ATAD2B: variants seen among roughly 807,000 people sequenced by gnomAD.
ATAD2B encodes ATPase family AAA domain containing 2B, also known as ATPase family AAA domain-containing protein 2B.
In ATAD2B, 40 loss-of-function variants were observed where a neutral mutation model predicts 167.6. The ratio of observed to expected loss-of-function variants is 0.24; its 90% CI spans 0.19 to 0.31. The LOEUF (loss-of-function observed/expected upper bound fraction) is 0.31. ATAD2B is among the 10% of genes least tolerant of loss of function. The pLI, the probability that ATAD2B is intolerant of heterozygous loss-of-function variation, is 1.00. For synonymous variants in ATAD2B, 579 were observed against 596.5 expected (o/e 0.97, Z 0.43); for missense variants, 1,242 against 1,757.2 (o/e 0.71, Z 5.24).
At chr2:23,894,452 G>C (rs1699933323) in intron 2 of ATAD2B, among the ~76,000 whole-genome samples, 1 of 149,676 alleles carries the variant, frequency 6.7e-6, no homozygotes, top group African/African-American at 2.5e-5. Flanking sequence ...TTGCACTCCA[G>C]CAAAACTCCA....
intron 21 of ATAD2B, among the ~76,000 whole-genome samples, chr2:23,783,253 T>C (rs1680320779): frequency 6.6e-6 from 1 of 151,844 alleles, no homozygotes. Context: ...CTCTGAAATG[T>C]TTCTGTTCTT....
intron 7 of ATAD2B, among the ~76,000 whole-genome samples, chr2:23,876,596 G>A (rs1241831341): frequency 1.4e-4 from 22 of 152,196 alleles, no homozygotes; most frequent in African/African-American, 5.1e-4. Flanking sequence ...CACTGTGCCC[G>A]GCCCCTGTTA....
chr2:23,925,159 C>A (rs2150737066), intron 1 of ATAD2B, among the ~76,000 whole-genome samples: 1 of 152,318 alleles, frequency 6.6e-6, no homozygotes. Context: ...ATAGTTTCCA[C>A]CGAAAGCCTC....
intron 13 of ATAD2B, among the ~76,000 whole-genome samples, chr2:23,847,992 CA>C (rs529339468): frequency 0.094 from 8,526 of 90,738 alleles, 252 homozygotes; most frequent in African/African-American, 0.18. Context: ...GACTTCATCC[CA>C]AAAAAAAAAA....
chr2:23,757,427 C>G lies in ATAD2B; in HGVS notation c.4069G>C (p.Asp1357His), dbSNP rs1314754190. Residue 1357 changes from aspartate to histidine, a missense_variant, in exon 25 of 28, where the codon GAT (aspartate) becomes CAT (histidine). Physicochemically the swap from Asp to His is moderately conservative, Grantham distance 81. Coordinates refer to ENST00000238789, the MANE Select transcript of ATAD2B (RefSeq NM_017552.4). ...CAAATATTAGCTCTACCTTCTTTAT[C>G]CAGTTCTGCATCTTTAACCTCCACA... The part of the protein sequence containing the change: ...SDVEVKDAEL[D>H]KEGASKVKKY... The G allele has an allele frequency of 4.0e-6, 6 of 1,489,840 alleles. No homozygotes were observed. Among genetic ancestry groups the G allele is most frequent in the African/African-American group, 1.4e-5 (1 of 70,010 alleles). 92.3% of individuals were successfully genotyped at this position (1,489,840 alleles called of 1,614,324 possible).
rs936333034 is a variant in ATAD2B, at chr2:23,926,643, G to T, written c.128C>A (p.Thr43Asn). 10 of 1,563,682 alleles carry T rather than the reference G, an allele frequency of 6.4e-6. No homozygotes were observed. The highest frequency in any genetic ancestry group is 1.7e-4 in the Middle Eastern group (1 of 5,936). Reference protein sequence around the residue: ...GGSSHFISSRTRSSKTRAASC... With the variant: ...GGSSHFISSRNRSSKTRAASC... ...GGCGGCGCGGGTCTTGGAGGAGCGG[G>T]TCCGAGAGGAGATGAAATGGCTGCT... The change falls in exon 1 of 28, where the codon ACC becomes AAC. Residue 43 changes from threonine (T) to asparagine (N), a missense_variant. Coordinates refer to ENST00000238789, the MANE Select transcript of ATAD2B (RefSeq NM_017552.4).
chr2:23,912,478 G>C (rs1702451222), intron 1 of ATAD2B, among the ~76,000 whole-genome samples: 1 of 151,796 alleles, frequency 6.6e-6, no homozygotes, highest in African/African-American at 2.4e-5. Flanking sequence ...CTGTACTCCA[G>C]CTTGAGTGAG....
chr2:23,819,699 T>G lies in ATAD2B; in HGVS notation c.2267+48A>C, dbSNP rs780478358. ...ATATACCATAATTCTAATCATAAAGTATCAAAAATCACTCTAAATACAAAG... is the reference window on the plus strand; with the variant it reads ...ATATACCATAATTCTAATCATAAAGGATCAAAAATCACTCTAAATACAAAG... On this transcript the variant is annotated intron_variant, in intron 17 of 27. Transcript: ENST00000238789. 1.0e-5 allele frequency: 14 copies of G among 1,395,486 alleles called. No individual in the cohort carries two copies. The South Asian group carries it at 1.8e-4, about 18-fold the overall frequency. The allele number at this position is 1,395,486 out of a possible 1,614,324, so 86.4% of individuals were successfully genotyped here.
intron 3 of ATAD2B, 25 bp from the exon 4 acceptor site, chr2:23,888,010 T>G: frequency 6.6e-7 from 1 of 1,509,242 alleles, no homozygotes; most frequent in Non-Finnish European, 8.8e-7. Flanking sequence ...ATATTTACAT[T>G]TCAAAGTACA....
chr2:23,892,054 C>T (rs1017134019), intron 2 of ATAD2B, among the ~76,000 whole-genome samples: 2 of 152,240 alleles, frequency 1.3e-5, no homozygotes, highest in African/African-American at 2.4e-5. Context: ...TTCTAATATG[C>T]CTCAGCAGTC....
At chr2:23,701,485 G>A in the ATAD2B span, among the ~76,000 whole-genome samples, 1 of 152,172 alleles carries the variant, frequency 6.6e-6, no homozygotes, top group African/African-American at 2.4e-5. Context: ...GGCCAAGGTG[G>A]GAGGATTGCT....
At chr2:23,756,948 C>T (rs913302161) in intron 25 of ATAD2B, among the ~76,000 whole-genome samples, 5 of 152,156 alleles carry the variant, frequency 3.3e-5, no homozygotes, top group African/African-American at 1.2e-4. Context: ...CTGAAAGTCA[C>T]ATGATTATAA....
intron 1 of ATAD2B, among the ~76,000 whole-genome samples, chr2:23,923,989 T>C (rs1286418311): frequency 6.6e-6 from 1 of 152,168 alleles, no homozygotes; most frequent in African/African-American, 2.4e-5. Flanking sequence ...GACACCATCC[T>C]GGCTAACACC....
intron 13 of ATAD2B, among the ~76,000 whole-genome samples, chr2:23,852,384 C>T (rs1692706629): frequency 6.6e-6 from 1 of 152,082 alleles, no homozygotes; most frequent in African/African-American, 2.4e-5. Context: ...CTCAGCCTCT[C>T]AAAGTGTTGA....
chr2:23,873,020 C>T (rs917559742), intron 8 of ATAD2B: 5 of 664,896 alleles, frequency 7.5e-6, no homozygotes, highest in South Asian at 4.8e-5. Flanking sequence ...GCCATGGCAG[C>T]GGGCTGGGGA....
chr2:23,722,966 T>C, the ATAD2B span, among the ~76,000 whole-genome samples: 2 of 152,216 alleles, frequency 1.3e-5, no homozygotes, highest in Non-Finnish European at 2.9e-5. Context: ...TGGAAACATC[T>C]TAACAGGAAA....
chr2:23,888,174 T>C (rs994762592), intron 3 of ATAD2B, among the ~76,000 whole-genome samples, 176 bp downstream of exon 3: 7 of 152,240 alleles, frequency 4.6e-5, no homozygotes, highest in Admixed American at 3.9e-4. Flanking sequence ...AAATTTCAGG[T>C]ATGCTGATTT....
Position 23,757,980 on chromosome 2 carries a change from A to T in ATAD2B, c.3516T>A (p.His1172Gln). The change falls in exon 25 of 28, where the codon CAT becomes CAA. Residue 1172 changes from histidine to glutamine, a missense_variant. Physicochemically the swap from His to Gln is conservative, Grantham distance 24 (BLOSUM62 0). Around this residue, in one of 9 missense-constraint regions of ATAD2B, gnomAD observed 282 missense variants for 346.8 expected, o/e 0.81. Transcript: ENST00000238789. ...EDTKFADYENHTEDRKLLENG... is the reference protein window; with the variant it reads ...EDTKFADYENQTEDRKLLENG... The stretch of plus-strand genomic sequence containing the variant: ...TCTCTAATAATTTCCTGTCCTCCGT[A>T]TGGTTCTCATAGTCTGCAAATTTGG... The T allele has an allele frequency of 6.2e-7, 1 of 1,613,518 alleles. No individual in the cohort carries two copies. The highest frequency in any genetic ancestry group is 8.5e-7 in the Non-Finnish European group (1 of 1,179,664).
intron 20 of ATAD2B, among the ~76,000 whole-genome samples, chr2:23,786,888 TA>T (rs1680907059): frequency 6.6e-6 from 1 of 152,102 alleles, no homozygotes; most frequent in Admixed American, 6.6e-5. Context: ...AACTGCTTCT[TA>T]AAATGGTATT....
Sources: gnomAD v4.1 joint callset for allele counts (sites outside exome capture counted in the v4.1 genomes callset) on GRCh38, gnomAD v4.1.1 for gene constraint, gnomAD v4.1.1 regional missense constraint, MANE v1.5 for transcripts, NCBI Gene and HGNC (gene_info 2026-07-23, HGNC 2026-07-21) for gene names.